The following CHRNA3 variants were observed in gnomAD, a reference collection of about 807,000 sequenced individuals.
The protein encoded by CHRNA3 is cholinergic receptor nicotinic alpha 3 subunit, also known as neuronal acetylcholine receptor subunit alpha-3.
A neutral mutation model predicts 41.9 loss-of-function variants in CHRNA3; 34 were observed. That is an observed-to-expected ratio of 0.81 (90% CI 0.62 to 1.08). The LOEUF is 1.08. CHRNA3 is among the 50% of genes least tolerant of loss of function. The pLI is 0.00. For synonymous variants in CHRNA3, 281 were observed against 265.2 expected (o/e 1.06, Z -0.58); for missense variants, 542 against 638.3 (o/e 0.85, Z 1.63).
chr15:78,607,739 C>T lies in CHRNA3; in HGVS notation c.378-5475G>A, dbSNP rs191734094. Reference sequence around the variant, plus strand: ...AGTGGGTGCAGGATAGTGGGTGCAGCGCACTGTGCATGAGCCAAAGCAGGG... The same window carrying T: ...AGTGGGTGCAGGATAGTGGGTGCAGTGCACTGTGCATGAGCCAAAGCAGGG... On this transcript the variant is annotated intron_variant, in intron 4 of 5. Transcript: ENST00000326828. Among the ~76,000 whole-genome samples the T allele has an allele frequency of 5.7e-4, 87 of 152,300 alleles. 2 individuals are homozygous for T. In the East Asian group the frequency reaches 0.013, roughly 23 times the overall value.
In CHRNA3 at chr15:78,601,880, G is replaced by A. The variant is rs79592402; in HGVS notation, c.762C>T (p.Leu254=). ...YTINLIIPCL[L]ISFLTVLVFY... ...AGACGAGCACAGTGAGGAAGGAGAT[G>A]AGCAGGCAGGGGATGATGAGGTTGA... The change falls in exon 5 of 6, where the codon CTC becomes CTT. Residue 254 remains leucine, a synonymous_variant. Coordinates refer to ENST00000326828, the MANE Select transcript of CHRNA3 (RefSeq NM_000743.5). 115 of 1,614,034 alleles carry A rather than the reference G, an allele frequency of 7.1e-5. No homozygotes were observed. The highest frequency in any genetic ancestry group is 9.2e-5 in the Non-Finnish European group (109 of 1,180,046).
At chr15:78,614,414 A>G (rs2053432095) in intron 4 of CHRNA3, among the ~76,000 whole-genome samples, 1 of 152,332 alleles carries the variant, frequency 6.6e-6, no homozygotes, top group East Asian at 1.9e-4. Context: ...CAGTTTACAA[A>G]TACAAATTAC....
In CHRNA3 at chr15:78,601,564, T is replaced by G. The variant is rs924068952; in HGVS notation, c.1078A>C (p.Thr360Pro). ...TTCTGAGCGTTGCCCTCGTTGCTTG[T>G]TGGCCTGGTCATGAACATGACCCTG... ...LPRVMFMTRP[T>P]SNEGNAQKPR... Residue 360 changes from threonine (T) to proline (P), a missense_variant, in exon 5 of 6, where the codon ACA (threonine) becomes CCA (proline). By Grantham distance (38) the Thr-to-Pro change is conservative. Transcript: ENST00000326828. The G allele has an allele frequency of 1.2e-6, 2 of 1,614,048 alleles. No individual in the cohort carries two copies. Among genetic ancestry groups the G allele is most frequent in the Non-Finnish European group, 1.7e-6 (2 of 1,180,044 alleles).
chr15:78,593,076 A>AT, downstream of CHRNA3: 2 of 1,596,240 alleles, frequency 1.3e-6, no homozygotes, highest in Non-Finnish European at 1.7e-6. Context: ...ATGCATTTTT[A>AT]TTTTTTTCCT....
downstream of CHRNA3, chr15:78,593,426 C>A: frequency 3.7e-6 from 2 of 542,194 alleles, no homozygotes; most frequent in Non-Finnish European, 6.0e-6. Context: ...GGCTGTATGA[C>A]TGAAGTAATA....
chr15:78,601,999 A>G lies in CHRNA3; in HGVS notation c.643T>C (p.Tyr215His), dbSNP rs71581738. Residue 215 changes from tyrosine to histidine, a missense_variant, in exon 5 of 6, where the codon TAC (tyrosine) becomes CAC (histidine). Coordinates refer to ENST00000326828, the MANE Select transcript of CHRNA3 (RefSeq NM_000743.5). The part of the protein sequence containing the change: ...GEWAIIKAPG[Y>H]KHDIKYNCCE... ...CAGTTGTACTTGATGTCGTGTTTGT[A>G]GCCTGGGGCTTTGATGATGGCCCAC... 5.7e-5 allele frequency: 92 copies of G among 1,613,476 alleles called. No individual in the cohort carries two copies. In the East Asian group the frequency reaches 1.9e-3, roughly 34 times the overall value.
intron 4 of CHRNA3, among the ~76,000 whole-genome samples, chr15:78,609,209 A>G (rs1001617911): frequency 6.6e-6 from 1 of 152,178 alleles, no homozygotes; most frequent in Non-Finnish European, 1.5e-5. Flanking sequence ...CAACATTCAG[A>G]TTCAGGAAAT....
At position 78,610,476 on chromosome 15, in the gene CHRNA3, C is replaced by T. The variant is rs572487793; in HGVS notation, c.377+6548G>A. Among the ~76,000 whole-genome samples the T allele has an allele frequency of 4.7e-3, 722 of 152,264 alleles. 6 individuals are homozygous for T. The highest frequency in any genetic ancestry group is 7.9e-3 in the Non-Finnish European group (535 of 68,042). On this transcript the variant is annotated intron_variant, in intron 4 of 5. Transcript: ENST00000326828. ...TGAACAATCTGCTCCTGAATGACTACTGGGTACATAACGAAAGGTAGGCAG... is the reference window on the plus strand; with the variant it reads ...TGAACAATCTGCTCCTGAATGACTATTGGGTACATAACGAAAGGTAGGCAG...
Position 78,595,489 on chromosome 15 carries a change from G to C in CHRNA3, c.*1115C>G, listed in dbSNP as rs1216004024. The C allele has an allele frequency of 1.3e-6, 1 of 797,786 alleles. No individual in the cohort carries two copies. Among genetic ancestry groups the C allele is most frequent in the Non-Finnish European group, 1.5e-6 (1 of 659,504 alleles). 49.4% of individuals were successfully genotyped at this position (797,786 alleles called of 1,614,324 possible). A position where few individuals can be genotyped will look rare whatever the true frequency, so the allele number is the denominator to read the frequency against. Reference sequence around the variant, plus strand: ...ACCAGGGGCAATTTTGCTCCTAAGGGAACATTTAACAATGGAGACATTCTT... The same window carrying C: ...ACCAGGGGCAATTTTGCTCCTAAGGCAACATTTAACAATGGAGACATTCTT... On this transcript the variant is annotated 3_prime_UTR_variant, in exon 6 of 6. Coordinates refer to ENST00000326828, the MANE Select transcript of CHRNA3 (RefSeq NM_000743.5).
At chr15:78,608,183 G>A (rs2053327069) in intron 4 of CHRNA3, among the ~76,000 whole-genome samples, 1 of 152,240 alleles carries the variant, frequency 6.6e-6, no homozygotes, top group African/African-American at 2.4e-5. Context: ...AACCTCTGCA[G>A]ACTTCCCTGT....
chr15:78,618,195 C>T (rs1333617622), intron 3 of CHRNA3, among the ~76,000 whole-genome samples: 3 of 152,080 alleles, frequency 2.0e-5, no homozygotes, highest in Admixed American at 6.6e-5. Flanking sequence ...TGCAGTGAGC[C>T]GAGATCACGC....
At chr15:78,611,745 A>T (rs1268717166) in intron 4 of CHRNA3, among the ~76,000 whole-genome samples, 1 of 151,888 alleles carries the variant, frequency 6.6e-6, no homozygotes, top group Non-Finnish European at 1.5e-5. Context: ...AGAAGGAAAT[A>T]AAGGGATTCA....
At chr15:78,606,343 A>AG (rs1483404956) in intron 4 of CHRNA3, among the ~76,000 whole-genome samples, 1 of 151,706 alleles carries the variant, frequency 6.6e-6, no homozygotes, top group Non-Finnish European at 1.5e-5. Context: ...CAAAAAAAAA[A>AG]AAAAAAATAC....
intron 4 of CHRNA3, among the ~76,000 whole-genome samples, chr15:78,603,790 G>A (rs982634630): frequency 4.6e-5 from 7 of 152,068 alleles, no homozygotes; most frequent in Non-Finnish European, 1.0e-4. Flanking sequence ...GCCCCCAATG[G>A]TGCCCTGCTG....
At chr15:78,606,828 G>A (rs1409364860) in intron 4 of CHRNA3, among the ~76,000 whole-genome samples, 3 of 152,166 alleles carry the variant, frequency 2.0e-5, no homozygotes, top group Admixed American at 2.0e-4. Flanking sequence ...GAACCTGGGA[G>A]GCGGAGCTTG....
At chr15:78,605,376 C>T (rs1376468699) in intron 4 of CHRNA3, among the ~76,000 whole-genome samples, 1 of 152,198 alleles carries the variant, frequency 6.6e-6, no homozygotes, top group East Asian at 1.9e-4. Flanking sequence ...CCACCACCAG[C>T]AGGACCTGTG....
Position 78,596,700 on chromosome 15 carries a change from C to A in CHRNA3, c.1422G>T (p.Val474=). ...AAACCCACAGAAAAATACGATCAATCACCATGGCAACATACTTCCAATCAT... is the reference window on the plus strand; with the variant it reads ...AAACCCACAGAAAAATACGATCAATAACCATGGCAACATACTTCCAATCAT... ...IQDDWKYVAM[V]IDRIFLWVFT... Residue 474 remains valine, a synonymous_variant, in exon 6 of 6, where the codon GTG becomes GTT. Coordinates refer to ENST00000326828, the MANE Select transcript of CHRNA3 (RefSeq NM_000743.5). The A allele has an allele frequency of 6.2e-7, 1 of 1,612,768 alleles. No individual in the cohort carries two copies. Among genetic ancestry groups the A allele is most frequent in the Non-Finnish European group, 8.5e-7 (1 of 1,179,800 alleles).
intron 4 of CHRNA3, among the ~76,000 whole-genome samples, chr15:78,607,684 C>A (rs997337833): frequency 2.6e-5 from 4 of 152,184 alleles, no homozygotes; most frequent in Non-Finnish European, 5.9e-5. Context: ...ATCTGAGGTA[C>A]CAGGTTCATC....
chr15:78,605,349 A>T (rs1318792528), intron 4 of CHRNA3, among the ~76,000 whole-genome samples: 1 of 152,174 alleles, frequency 6.6e-6, no homozygotes, highest in Non-Finnish European at 1.5e-5. Context: ...AGGATATGAG[A>T]GTGTGCGGTC....
Sources: gnomAD v4.1 joint callset for allele counts (sites outside exome capture counted in the v4.1 genomes callset) on GRCh38, gnomAD v4.1.1 for gene constraint, MANE v1.5 for transcripts, NCBI Gene and HGNC (gene_info 2026-07-23, HGNC 2026-07-21) for gene names.